Variants in ALG6 observed in about 807,000 individuals in gnomAD.
ALG6 encodes the protein ALG6 alpha-1,3-glucosyltransferase.
ALG6 carries 46 observed loss-of-function variants against 66.6 expected under a neutral mutation model. The ratio of observed to expected loss-of-function variants is 0.69; its 90% CI spans 0.55 to 0.88. The LOEUF is 0.88. Ranked by LOEUF, ALG6 falls within the 40% of genes least tolerant of loss-of-function variation. The probability of loss-of-function intolerance (pLI) is 0.00; values close to 1 mark genes in which losing one functional copy is unlikely to be tolerated. For missense variants in ALG6, 505 were observed against 586.8 expected (o/e 0.86, Z 1.44); for synonymous variants, 185 against 203.7 (o/e 0.91, Z 0.78).
chr1:63,431,368 G>A (rs773379218), intron 14 of ALG6, among the ~76,000 whole-genome samples: 17 of 152,284 alleles, frequency 1.1e-4, no homozygotes, highest in Non-Finnish European at 2.5e-4. Flanking sequence ...CCAAAACTCA[G>A]CTGAGATTTT....
chr1:63,390,642 C>T (rs1648642413), intron 2 of ALG6, among the ~76,000 whole-genome samples: 1 of 152,208 alleles, frequency 6.6e-6, no homozygotes, highest in East Asian at 1.9e-4. Flanking sequence ...CTTTAGCCTA[C>T]AGTGGTGTGC....
At chr1:63,430,400 T>G (rs951537481) in intron 14 of ALG6, among the ~76,000 whole-genome samples, 1 of 152,230 alleles carries the variant, frequency 6.6e-6, no homozygotes, top group African/African-American at 2.4e-5. Context: ...TGTTTTCATT[T>G]CCCTTATGTG....
At chr1:63,376,512 A>G (rs1237895893) in intron 2 of ALG6, among the ~76,000 whole-genome samples, 1 of 152,196 alleles carries the variant, frequency 6.6e-6, no homozygotes, top group East Asian at 1.9e-4. Context: ...TTTAAGCTAT[A>G]CATTTTCTTT....
intron 2 of ALG6, among the ~76,000 whole-genome samples, chr1:63,372,720 C>T (rs1570028653): frequency 6.6e-6 from 1 of 151,998 alleles, no homozygotes; most frequent in Non-Finnish European, 1.5e-5. Context: ...AGTGCAGTGG[C>T]GCAATCTTGG....
intron 2 of ALG6, among the ~76,000 whole-genome samples, chr1:63,390,339 G>A (rs555798438): frequency 6.6e-6 from 1 of 152,262 alleles, no homozygotes; most frequent in African/African-American, 2.4e-5. Context: ...GTGGGCCTCA[G>A]GACTCTGCCT....
intron 12 of ALG6, among the ~76,000 whole-genome samples, chr1:63,422,209 A>ATG (rs1467667580): frequency 9.7e-5 from 12 of 123,250 alleles, no homozygotes; most frequent in African/African-American, 3.5e-4. Flanking sequence ...ATATGAATAT[A>ATG]AATATATATT....
chr1:63,381,475 A>C (rs1337671340), intron 2 of ALG6, among the ~76,000 whole-genome samples: 1 of 151,728 alleles, frequency 6.6e-6, no homozygotes, highest in South Asian at 2.1e-4. Context: ...AAATACAAAA[A>C]CAAAAACAAA....
intron 12 of ALG6, among the ~76,000 whole-genome samples, chr1:63,422,432 A>AATATATATATAAATATAT (rs1557595420): frequency 4.2e-5 from 1 of 23,966 alleles, no homozygotes; most frequent in Non-Finnish European, 6.0e-5. Context: ...TATAAATATA[A>AATATATATATAAATATAT]ATATATATAT....
At chr1:63,402,201 C>T (rs1644467971) in intron 3 of ALG6, 53 bp from the exon 4 acceptor site, 2 of 1,077,260 alleles carry the variant, frequency 1.9e-6, no homozygotes, top group Admixed American at 3.4e-5. Flanking sequence ...TATAAGTCTA[C>T]TTCTTGAATA....
chr1:63,372,297 GAGAT>G (rs1457912951), intron 2 of ALG6, among the ~76,000 whole-genome samples: 2 of 152,096 alleles, frequency 1.3e-5, no homozygotes, highest in African/African-American at 4.8e-5. Context: ...ATAGGAAAAA[GAGAT>G]AGGTAAAGAG....
At chr1:63,429,195 T>G (rs887482242) in intron 14 of ALG6, 69 bp downstream of exon 14, 1 of 1,144,172 alleles carries the variant, frequency 8.7e-7, no homozygotes, top group Non-Finnish European at 1.3e-6. Context: ...ATTGAAGTAG[T>G]GATTTTCTTT....
In ALG6 at chr1:63,411,172, C is replaced by T. The variant is rs1644513870; in HGVS notation, c.521C>T (p.Ala174Val). 1 of 1,613,616 alleles carries T rather than the reference C, an allele frequency of 6.2e-7. No homozygotes were observed. Among genetic ancestry groups the T allele is most frequent in the African/African-American group, 1.3e-5 (1 of 74,832 alleles). Residue 174 changes from alanine to valine, a missense_variant, in exon 8 of 15, where the codon GCT becomes GTT. Transcript: ENST00000263440. ...FQYNSVSLGF[A>V]LWGVLGISCD... is the part of the protein sequence containing the mutation. The stretch of plus-strand genomic sequence containing the variant: ...TATAATTCTGTGAGTCTTGGCTTTG[C>T]TTTGTGGGGTGTTCTTGGAATATCT...
At chr1:63,424,942 C>A (rs1280584803) in intron 12 of ALG6, among the ~76,000 whole-genome samples, 3 of 151,956 alleles carry the variant, frequency 2.0e-5, no homozygotes, top group African/African-American at 7.3e-5. Flanking sequence ...CAACAGCTGG[C>A]TAATTTTTGT....
At chr1:63,401,562 A>C (rs1644465346) in intron 3 of ALG6, among the ~76,000 whole-genome samples, 1 of 150,556 alleles carries the variant, frequency 6.6e-6, no homozygotes, top group African/African-American at 2.4e-5. Context: ...GCTACTCAGG[A>C]GGCTGAGGCA....
intron 3 of ALG6, among the ~76,000 whole-genome samples, chr1:63,398,851 G>T (rs1279145921): frequency 6.6e-6 from 1 of 152,082 alleles, no homozygotes; most frequent in Non-Finnish European, 1.5e-5. Flanking sequence ...TTTTTGTAAT[G>T]ATTTGTATGA....
rs1648825904 is a variant in ALG6, at chr1:63,396,368, T to C, written c.83-145T>C. On this transcript the variant is annotated intron_variant, in intron 2 of 14. Transcript: ENST00000263440. ...GTGCCAGCAGTGCTAGATTCAGATT[T>C]TATCTCTCTGACTTTCTCGGTAACT... 2.1e-5 allele frequency: 15 copies of C among 720,354 alleles called. No homozygotes were observed. The South Asian group carries it at 2.4e-4, about 12-fold the overall frequency. The allele number at this position is 720,354 out of a possible 1,614,324, so 44.6% of individuals were successfully genotyped here.
In ALG6 at chr1:63,413,165, CAA is replaced by C. The variant is rs138137373; in HGVS notation, c.817-894_817-893del. ...ACTTTACAGATTAGAAAACTGAGGT[CAA>C]AGATTCCTATAACTAGTATGTAGCA... On this transcript the variant is annotated intron_variant, in intron 9 of 14. Coordinates refer to ENST00000263440, the MANE Select transcript of ALG6 (RefSeq NM_013339.4). Among the ~76,000 whole-genome samples, 678 of 152,212 alleles carry C rather than the reference CAA, an allele frequency of 4.5e-3. 6 individuals carry two copies. Among genetic ancestry groups the C allele is most frequent in the African/African-American group, 0.015 (624 of 41,532 alleles).
At chr1:63,374,822 G>A (rs1245869925) in intron 2 of ALG6, among the ~76,000 whole-genome samples, 1 of 152,132 alleles carries the variant, frequency 6.6e-6, no homozygotes, top group Non-Finnish European at 1.5e-5. Flanking sequence ...AAGTCTTTAG[G>A]CCTGGTCTTT....
chr1:63,424,668 A>G (rs1357771117), intron 12 of ALG6, among the ~76,000 whole-genome samples: 1 of 152,080 alleles, frequency 6.6e-6, no homozygotes, highest in Admixed American at 6.6e-5. Flanking sequence ...TATATATCTA[A>G]GAAACCAGTG....
Sources: gnomAD v4.1 joint callset for allele counts (sites outside exome capture counted in the v4.1 genomes callset) on GRCh38, gnomAD v4.1.1 for gene constraint, MANE v1.5 for transcripts, NCBI Gene and HGNC (gene_info 2026-07-23, HGNC 2026-07-21) for gene names.